RANBP17: variants seen among roughly 807,000 people sequenced by gnomAD.
The protein encoded by RANBP17 is RAN binding protein 17.
RANBP17 carries 158 observed loss-of-function variants against 141.2 expected under a neutral mutation model. The ratio of observed to expected loss-of-function variants is 1.12; its 90% CI spans 0.98 to 1.28. RANBP17 has a LOEUF of 1.28. Among genes scored for constraint, RANBP17 ranks in the 50% most tolerant of loss-of-function variants. The pLI is 0.00. For missense variants in RANBP17, 1,438 were observed against 1,290.7 expected, an observed-to-expected ratio of 1.11 and a Z score of -1.75; for synonymous variants, 430 against 450.0, an observed-to-expected ratio of 0.96 and a Z score of 0.56.
chr5:170,883,280 C>G (rs769493733), intron 3 of RANBP17, among the ~76,000 whole-genome samples: 9 of 152,146 alleles, frequency 5.9e-5, no homozygotes, highest in Non-Finnish European at 1.0e-4. Context: ...TTTAAATAGA[C>G]TTAATTTTTT....
chr5:171,273,521 T>G (rs1333931269), intron 25 of RANBP17, among the ~76,000 whole-genome samples: 1 of 152,192 alleles, frequency 6.6e-6, no homozygotes, highest in Non-Finnish European at 1.5e-5. Flanking sequence ...AGCTAATTGT[T>G]GCCTTATAAG....
intron 22 of RANBP17, among the ~76,000 whole-genome samples, chr5:171,226,341 T>C (rs771886175): frequency 5.3e-5 from 8 of 152,196 alleles, no homozygotes; most frequent in Non-Finnish European, 1.2e-4. Context: ...ATAATGATTG[T>C]TTTCATAAGA....
chr5:171,255,795 A>G (rs1472834691), intron 24 of RANBP17, among the ~76,000 whole-genome samples: 1 of 152,188 alleles, frequency 6.6e-6, no homozygotes, highest in Non-Finnish European at 1.5e-5. Flanking sequence ...TAAGTTGTAA[A>G]TGGTGGCTGA....
intron 14 of RANBP17, among the ~76,000 whole-genome samples, chr5:171,047,229 A>T (rs1164499548): frequency 1.3e-5 from 2 of 150,944 alleles, no homozygotes; most frequent in African/African-American, 4.9e-5. Context: ...TGTTGGCCAG[A>T]CTGGTCTTGA....
rs566038874 is a variant in RANBP17, at chr5:171,256,166, T to C, written c.2777-9515T>C. 2.0e-5 allele frequency among the ~76,000 whole-genome samples: 3 copies of C among 152,330 alleles called. No individual in the cohort carries two copies. The South Asian group carries it at 6.2e-4, about 32-fold the overall frequency. On this transcript the variant is annotated intron_variant, in intron 24 of 27. Coordinates refer to ENST00000523189, the MANE Select transcript of RANBP17 (RefSeq NM_022897.5). ...TATCAAAGATTCTATCATGAGGTAT[T>C]TGACTGGGAGCTGAGAGGCTAAAGC...
chr5:170,953,330 AT>A (rs1467138592), intron 12 of RANBP17, among the ~76,000 whole-genome samples: 1 of 152,134 alleles, frequency 6.6e-6, no homozygotes, highest in Non-Finnish European at 1.5e-5. Flanking sequence ...ACTTAAAGAG[AT>A]AAGTAACTTA....
intron 19 of RANBP17, among the ~76,000 whole-genome samples, chr5:171,200,189 A>T (rs752527839): frequency 2.6e-5 from 4 of 152,242 alleles, no homozygotes; most frequent in African/African-American, 7.2e-5. Flanking sequence ...AAGAATTTAT[A>T]TAAATCAAGA....
intron 14 of RANBP17, among the ~76,000 whole-genome samples, chr5:170,988,089 A>G (rs1778269352): frequency 6.6e-6 from 1 of 151,692 alleles, no homozygotes; most frequent in Admixed American, 6.6e-5. Context: ...ATTACTTAAT[A>G]AAATATATGC....
intron 13 of RANBP17, among the ~76,000 whole-genome samples, chr5:170,956,975 C>T (rs373288106): frequency 3.3e-5 from 5 of 151,444 alleles, no homozygotes; most frequent in East Asian, 4.0e-4. Context: ...GAGGCTGAGG[C>T]GGGAGAATGG....
intron 14 of RANBP17, among the ~76,000 whole-genome samples, chr5:171,101,285 A>G (rs1787141933): frequency 6.6e-6 from 1 of 152,102 alleles, no homozygotes; most frequent in East Asian, 1.9e-4. Flanking sequence ...GTGCTCCTGT[A>G]TTGGGTGCAT....
At chr5:171,154,990 A>T (rs1758761910) in intron 14 of RANBP17, among the ~76,000 whole-genome samples, 2 of 150,836 alleles carry the variant, frequency 1.3e-5, no homozygotes, top group South Asian at 4.2e-4. Flanking sequence ...AGACAGGAGA[A>T]TGGCTTGAAC....
At chr5:170,972,135 T>G (rs894905622) in intron 14 of RANBP17, among the ~76,000 whole-genome samples, 1 of 152,112 alleles carries the variant, frequency 6.6e-6, no homozygotes, top group African/African-American at 2.4e-5. Context: ...ACAGCACTGT[T>G]AACTTTATAT....
rs1199311346 is a variant in RANBP17 at position 170,918,739 on chromosome 5, T to G, written c.981T>G (p.His327Gln). The G allele has an allele frequency of 6.2e-7, 1 of 1,607,350 alleles. No homozygotes were observed. Among genetic ancestry groups the G allele is most frequent in the Non-Finnish European group, 8.5e-7 (1 of 1,176,754 alleles). The change falls in exon 10 of 28, where the codon CAT (histidine) becomes CAG (glutamine). Residue 327 changes from histidine to glutamine, a missense_variant. Coordinates refer to ENST00000523189, the MANE Select transcript of RANBP17 (RefSeq NM_022897.5). ...PQGLSDPGNY[H>Q]EFCRFLARLK... ...GTTTGTCTGATCCAGGTAATTATCA[T>G]GAATTTTGTCGATTTTTGGCTCGTT...
chr5:171,072,427 T>G (rs571523161), intron 14 of RANBP17, among the ~76,000 whole-genome samples: 1 of 148,110 alleles, frequency 6.8e-6, no homozygotes, highest in African/African-American at 2.5e-5. Context: ...GAAACTAATA[T>G]AGGAAGAAAA....
intron 14 of RANBP17, among the ~76,000 whole-genome samples, chr5:171,014,967 C>T (rs534575751): frequency 4.4e-4 from 67 of 152,092 alleles, no homozygotes; most frequent in Admixed American, 9.2e-4. Context: ...CCTTTCAATA[C>T]ATTAAAGAAG....
rs181778805 is a variant in RANBP17 at position 171,141,493 on chromosome 5, G to A, written c.1711-28637G>A. ...GTGGTGGTGGGCACCTGTAGCGCCAGCTTCTGGGGAGGCGGAGGGAGGAGA... is the reference window on the plus strand; with the variant it reads ...GTGGTGGTGGGCACCTGTAGCGCCAACTTCTGGGGAGGCGGAGGGAGGAGA... On this transcript the variant is annotated intron_variant, in intron 14 of 27. Transcript: ENST00000523189. 2.7e-3 allele frequency among the ~76,000 whole-genome samples: 402 copies of A among 151,284 alleles called. 2 individuals carry two copies. The highest frequency in any genetic ancestry group is 9.0e-3 in the African/African-American group (371 of 41,244).
chr5:171,187,827 A>T (rs894684686), intron 18 of RANBP17, among the ~76,000 whole-genome samples: 1 of 152,228 alleles, frequency 6.6e-6, no homozygotes, highest in Non-Finnish European at 1.5e-5. Context: ...TAGACCAGTT[A>T]TACATGAGAG....
intron 14 of RANBP17, among the ~76,000 whole-genome samples, chr5:171,018,659 G>A (rs1780619125): frequency 1.3e-5 from 2 of 152,182 alleles, no homozygotes; most frequent in South Asian, 4.1e-4. Flanking sequence ...TTTCGGGGCT[G>A]AGATGATGGG....
At position 171,139,084 on chromosome 5, in the gene RANBP17, A is replaced by T. The variant is rs184176700; in HGVS notation, c.1711-31046A>T. Among the ~76,000 whole-genome samples, 10 of 152,236 alleles carry T rather than the reference A, an allele frequency of 6.6e-5. 1 individual carries two copies. The East Asian group carries it at 9.6e-4, about 15-fold the overall frequency. On this transcript the variant is annotated intron_variant, in intron 14 of 27. Transcript: ENST00000523189. ...CATACTGAGACCCTGTCTCTTTAAA[A>T]CAAAAAAAGAAAAAAGAAAAATAAT... is the stretch of plus-strand genomic sequence containing the variant.
Sources: allele counts gnomAD v4.1 joint callset (sites outside exome capture counted in the v4.1 genomes callset), GRCh38; gene constraint gnomAD v4.1.1; transcripts MANE v1.5; gene names NCBI Gene and HGNC (gene_info 2026-07-23, HGNC 2026-07-21).